KIF6: variants seen among roughly 807,000 people sequenced by gnomAD.
The protein encoded by KIF6 is kinesin-like protein KIF6.
A neutral mutation model predicts 112.7 loss-of-function variants in KIF6; 106 were observed. The ratio of observed to expected loss-of-function variants is 0.94; its 90% CI spans 0.80 to 1.11. The LOEUF (loss-of-function observed/expected upper bound fraction) is 1.11, where lower values mean the gene tolerates loss of function less well. KIF6 is among the 50% of genes least tolerant of loss of function. The probability of loss-of-function intolerance (pLI) is 0.00; values close to 1 mark genes in which losing one functional copy is unlikely to be tolerated. For synonymous variants in KIF6, 339 were observed against 339.9 expected (o/e 1.00, Z 0.03); for missense variants, 929 against 964.0 (o/e 0.96, Z 0.48).
At chr6:39,586,179 C>A in intron 8 of KIF6, 82 bp downstream of exon 8, 1 of 1,463,602 alleles carries the variant, frequency 6.8e-7, no homozygotes, top group Admixed American at 1.8e-5. Context: ...AATGTAGAAA[C>A]CCACCCAAGA....
intron 13 of KIF6, among the ~76,000 whole-genome samples, chr6:39,474,307 TAG>T (rs903548695): frequency 1.3e-5 from 2 of 152,186 alleles, no homozygotes; most frequent in African/African-American, 4.8e-5. Context: ...AAATATCAAG[TAG>T]AGTCCCCACT....
intron 3 of KIF6, among the ~76,000 whole-genome samples, chr6:39,675,778 GA>G (rs1027191483): frequency 2.0e-4 from 29 of 148,052 alleles, no homozygotes; most frequent in Non-Finnish European, 2.8e-4. Context: ...AAACAGATAG[GA>G]AAAAAAAATG....
At chr6:39,429,857 A>C (rs6927522) in intron 14 of KIF6, among the ~76,000 whole-genome samples, 3 of 151,962 alleles carry the variant, frequency 2.0e-5, no homozygotes, top group Admixed American at 2.0e-4. Context: ...GCAGTGAGCC[A>C]AGATCACACC....
Position 39,475,926 on chromosome 6 carries a change from T to C in KIF6, c.1646-44765A>G, listed in dbSNP as rs1411974263. On this transcript the variant is annotated intron_variant, in intron 13 of 22. Transcript: ENST00000287152. The stretch of plus-strand genomic sequence containing the variant: ...ACATGGATGGAGCTGGAAGCCATTA[T>C]TCTTAGCAAACTAACACAGGAACAG... Among the ~76,000 whole-genome samples, 3 of 152,160 alleles carry C rather than the reference T, an allele frequency of 2.0e-5. No individual in the cohort carries two copies. In the South Asian group the frequency reaches 6.2e-4, roughly 32 times the overall value.
At chr6:39,676,722 T>A (rs890020065) in intron 3 of KIF6, among the ~76,000 whole-genome samples, 1 of 152,028 alleles carries the variant, frequency 6.6e-6, no homozygotes, top group African/African-American at 2.4e-5. Context: ...TGTTTAAAAA[T>A]TTTTAACAAT....
At chr6:39,339,596 T>TCC (rs1422249014) in intron 22 of KIF6, among the ~76,000 whole-genome samples, 1 of 152,016 alleles carries the variant, frequency 6.6e-6, no homozygotes. Flanking sequence ...TGGGAATACT[T>TCC]CCAAACTCAG....
intron 18 of KIF6, among the ~76,000 whole-genome samples, chr6:39,358,261 A>G (rs1764864517): frequency 6.6e-6 from 1 of 152,216 alleles, no homozygotes; most frequent in African/African-American, 2.4e-5. Context: ...TCCTCCCAGA[A>G]GGCTATCCTA....
chr6:39,345,621 C>A (rs112535273), intron 21 of KIF6, 79 bp downstream of exon 21: 1 of 1,203,918 alleles, frequency 8.3e-7, no homozygotes, highest in Non-Finnish European at 1.2e-6. Context: ...GGGGCTTTTT[C>A]GGGGAGTAGA....
chr6:39,534,912 G>A (rs4605875), intron 13 of KIF6, among the ~76,000 whole-genome samples: 6,450 of 152,204 alleles, frequency 0.042, 283 homozygotes, highest in East Asian at 0.26. Context: ...AATATTCAAC[G>A]TTCTTAAAGA....
At chr6:39,389,947 C>T (rs142366263) in intron 15 of KIF6, among the ~76,000 whole-genome samples, 4,477 of 149,322 alleles carry the variant, frequency 0.03, 218 homozygotes, top group African/African-American at 0.1. Context: ...AGGAGAATCA[C>T]TTGAACCTGG....
At chr6:39,411,009 G>C (rs1769435832) in intron 15 of KIF6, among the ~76,000 whole-genome samples, 1 of 151,598 alleles carries the variant, frequency 6.6e-6, no homozygotes, top group African/African-American at 2.4e-5. Flanking sequence ...AGCAGCTACT[G>C]TCCTAAAGGC....
Position 39,540,184 on chromosome 6 carries a change from T to C in KIF6, c.1464A>G (p.Lys488=). The change falls in exon 13 of 23, where the codon AAA becomes AAG. Residue 488 remains lysine, a synonymous_variant. Transcript: ENST00000287152. ...LVNMLKKEKK[K]AQEALHLAGM... is the part of the protein sequence containing the mutation. ...CAGCCAAGTGGAGAGCCTCCTGAGC[T>C]TTCTTCTTTTCTTTTTTTAACATGT... 3 of 1,611,774 alleles carry C rather than the reference T, an allele frequency of 1.9e-6. No individual in the cohort carries two copies. The highest frequency in any genetic ancestry group is 2.5e-6 in the Non-Finnish European group (3 of 1,179,498).
chr6:39,691,059 C>T (rs778567781), intron 3 of KIF6: 2 of 152,172 alleles, frequency 1.3e-5, no homozygotes, highest in Non-Finnish European at 2.9e-5. Flanking sequence ...ATACTAAAAA[C>T]GTGTTCACCA....
chr6:39,708,952 T>A (rs866237885), intron 3 of KIF6, among the ~76,000 whole-genome samples: 1 of 150,828 alleles, frequency 6.6e-6, no homozygotes, highest in African/African-American at 2.4e-5. Context: ...ACCATAGACA[T>A]TTGTAGACTT....
intron 5 of KIF6, 96 bp from the exon 6 acceptor site, chr6:39,613,414 G>T: frequency 1.1e-6 from 1 of 880,192 alleles, no homozygotes; most frequent in Non-Finnish European, 1.6e-6. Flanking sequence ...ATAGTATGAC[G>T]TCTTGAACTT....
chr6:39,423,209 G>A (rs938396646), intron 14 of KIF6, among the ~76,000 whole-genome samples: 5 of 152,132 alleles, frequency 3.3e-5, no homozygotes, highest in African/African-American at 1.2e-4. Flanking sequence ...GAGAAGGAAT[G>A]CGATGCTCTG....
At chr6:39,645,863 C>T (rs1043655328) in intron 3 of KIF6, among the ~76,000 whole-genome samples, 8 of 151,850 alleles carry the variant, frequency 5.3e-5, no homozygotes, top group African/African-American at 1.5e-4. Flanking sequence ...AGCAAACTAT[C>T]GCAAGGACAA....
chr6:39,583,881 C>T (rs187745423), intron 9 of KIF6, among the ~76,000 whole-genome samples: 33 of 151,682 alleles, frequency 2.2e-4, no homozygotes, highest in African/African-American at 7.5e-4. Context: ...TTACAGAAAA[C>T]TAACAAAATA....
intron 13 of KIF6, among the ~76,000 whole-genome samples, chr6:39,454,519 T>C (rs1297521662): frequency 3.0e-5 from 4 of 134,084 alleles, no homozygotes; most frequent in African/African-American, 5.9e-5. Context: ...ATAATAGTGA[T>C]ACTGAGAGCA....
Sources: allele counts gnomAD v4.1 joint callset (sites outside exome capture counted in the v4.1 genomes callset), GRCh38; gene constraint gnomAD v4.1.1; transcripts MANE v1.5; gene names NCBI Gene and HGNC (gene_info 2026-07-23, HGNC 2026-07-21).